PDE3A: variants seen among roughly 807,000 people sequenced by gnomAD.
The protein encoded by PDE3A is cGMP-inhibited 3',5'-cyclic phosphodiesterase 3A.
PDE3A carries 43 observed loss-of-function variants against 98.3 expected under a neutral mutation model. The ratio of observed to expected loss-of-function variants is 0.44; its 90% CI spans 0.34 to 0.56. The LOEUF is 0.56. Among genes scored for constraint, PDE3A ranks in the 20% least tolerant of loss-of-function variants. The probability of loss-of-function intolerance (pLI) is 0.01; values close to 1 mark genes in which losing one functional copy is unlikely to be tolerated. For synonymous variants in PDE3A, 663 were observed against 567.9 expected, an observed-to-expected ratio of 1.17 and a Z score of -2.38; for missense variants, 1,427 against 1,440.7, an observed-to-expected ratio of 0.99 and a Z score of 0.15.
intron 15 of PDE3A, among the ~76,000 whole-genome samples, chr12:20,674,841 T>C (rs10770695): frequency 0.51 from 78,136 of 151,748 alleles, 21,085 homozygotes; most frequent in East Asian, 0.72. Flanking sequence ...TCATTTTTCT[T>C]GGTTAGTCTA....
chr12:20,377,865 A>T (rs1943599564), intron 1 of PDE3A, among the ~76,000 whole-genome samples: 1 of 151,788 alleles, frequency 6.6e-6, no homozygotes, highest in Non-Finnish European at 1.5e-5. Flanking sequence ...TTTGGTATGT[A>T]ACAGGGATTG....
chr12:20,614,767 G>GAAACT (rs1280962867), intron 3 of PDE3A, among the ~76,000 whole-genome samples: 1 of 152,086 alleles, frequency 6.6e-6, no homozygotes, highest in Admixed American at 6.6e-5. Flanking sequence ...AGAGACACTG[G>GAAACT]AAACTATTTA....
intron 1 of PDE3A, among the ~76,000 whole-genome samples, chr12:20,440,277 C>A (rs537245442): frequency 2.0e-5 from 3 of 151,888 alleles, no homozygotes; most frequent in Admixed American, 6.6e-5. Context: ...TAAATTTTAA[C>A]GTAATTATAA....
At chr12:20,555,256 C>T (rs575823263) in intron 1 of PDE3A, among the ~76,000 whole-genome samples, 6 of 152,134 alleles carry the variant, frequency 3.9e-5, no homozygotes, top group African/African-American at 9.7e-5. Flanking sequence ...ACAGGAAATC[C>T]GCCCGCCTTG....
intron 2 of PDE3A, among the ~76,000 whole-genome samples, chr12:20,603,921 A>G (rs1943653272): frequency 6.6e-6 from 1 of 152,188 alleles, no homozygotes; most frequent in Non-Finnish European, 1.5e-5. Flanking sequence ...CTGTAATCAC[A>G]GCACTTTGGG....
rs1469108203 is a variant in PDE3A at position 20,428,670 on chromosome 12, A to G, written c.960+58426A>G. Among the ~76,000 whole-genome samples, 7 of 152,344 alleles carry G rather than the reference A, an allele frequency of 4.6e-5. No homozygotes were observed. The East Asian group carries it at 7.7e-4, about 17-fold the overall frequency. The stretch of plus-strand genomic sequence containing the variant: ...AACAGAATATAGGCCACTTTACACA[A>G]CAAAATATGCAATAACAACATACAT... On this transcript the variant is annotated intron_variant, in intron 1 of 15. Transcript: ENST00000359062.
intron 1 of PDE3A, among the ~76,000 whole-genome samples, chr12:20,473,856 G>A (rs1323381994): frequency 6.6e-6 from 1 of 151,922 alleles, no homozygotes; most frequent in African/African-American, 2.4e-5. Flanking sequence ...ATTATACGAA[G>A]GTCCTATAAC....
chr12:20,590,244 C>T (rs919664941), intron 2 of PDE3A, among the ~76,000 whole-genome samples: 10 of 151,704 alleles, frequency 6.6e-5, no homozygotes, highest in African/African-American at 1.7e-4. Context: ...CTTTCTGATT[C>T]GGCTTCAGGG....
At chr12:20,647,241 C>G (rs1354283794) in intron 12 of PDE3A, among the ~76,000 whole-genome samples, 1 of 152,092 alleles carries the variant, frequency 6.6e-6, no homozygotes, top group Non-Finnish European at 1.5e-5. Context: ...CAAAAGGCAA[C>G]CTATACAAAA....
intron 1 of PDE3A, among the ~76,000 whole-genome samples, chr12:20,547,384 C>A (rs1000006800): frequency 6.6e-6 from 1 of 152,154 alleles, no homozygotes; most frequent in Non-Finnish European, 1.5e-5. Context: ...TGTTCAATGG[C>A]ATACAGTTTG....
intron 2 of PDE3A, chr12:20,572,258 A>T: frequency 2.4e-6 from 1 of 418,958 alleles, no homozygotes; most frequent in Non-Finnish European, 3.9e-6. Context: ...AAATAAATTC[A>T]TAAAGTAATC....
Position 20,449,936 on chromosome 12 carries a change from C to T in PDE3A, c.960+79692C>T, listed in dbSNP as rs111940827. The T allele has an allele frequency of 6.8e-4, 546 of 802,708 alleles. 1 individual carries two copies. The African/African-American group carries it at 8.2e-3, about 12-fold the overall frequency. 49.7% of individuals were successfully genotyped at this position (802,708 alleles called of 1,614,324 possible). A position where few individuals can be genotyped will look rare whatever the true frequency, so the allele number is the denominator to read the frequency against. On this transcript the variant is annotated intron_variant, in intron 1 of 15. Coordinates refer to ENST00000359062, the MANE Select transcript of PDE3A (RefSeq NM_000921.5). The stretch of plus-strand genomic sequence containing the variant: ...GGGAACTCTGCTGGAAAGTTGATTT[C>T]GATTCTGAAGGCCCCCTTATATGGA...
chr12:20,386,072 A>AATATATAT (rs1308857729), intron 1 of PDE3A, among the ~76,000 whole-genome samples: 1 of 44,896 alleles, frequency 2.2e-5, no homozygotes, highest in Non-Finnish European at 3.9e-5. Context: ...ATATATATAA[A>AATATATAT]ATATATATAA....
intron 1 of PDE3A, among the ~76,000 whole-genome samples, chr12:20,422,118 G>A (rs1046388285): frequency 9.2e-5 from 14 of 152,126 alleles, no homozygotes; most frequent in African/African-American, 3.1e-4. Context: ...AGGCCGAGGT[G>A]GGCGGATCAC....
chr12:20,666,988 T>A (rs1945331263), intron 15 of PDE3A, among the ~76,000 whole-genome samples: 1 of 152,230 alleles, frequency 6.6e-6, no homozygotes, highest in Admixed American at 6.5e-5. Flanking sequence ...TAAGATGATA[T>A]CTCATTGTGG....
In PDE3A at chr12:20,650,617, T is replaced by C. The variant is rs745979130; in HGVS notation, c.2925+17T>C. The C allele has an allele frequency of 6.5e-7, 1 of 1,530,032 alleles. No individual in the cohort carries two copies. Among genetic ancestry groups the C allele is most frequent in the South Asian group, 1.1e-5 (1 of 87,238 alleles). 94.8% of individuals were successfully genotyped at this position (1,530,032 alleles called of 1,614,324 possible). On this transcript the variant is annotated intron_variant, in intron 14 of 15. Coordinates refer to ENST00000359062, the MANE Select transcript of PDE3A (RefSeq NM_000921.5). ...TATGAACAGGTAACTGACCACTGTT[T>C]AATACAGCTTAATCTGTACTTACAG...
In PDE3A at chr12:20,588,152, G is replaced by A. The variant is rs1407524205; in HGVS notation, c.1012-25291G>A. On this transcript the variant is annotated intron_variant, in intron 2 of 15. Coordinates refer to ENST00000359062, the MANE Select transcript of PDE3A (RefSeq NM_000921.5). ...AGGCGGTAGGGGCAGTTGTTTTTCT[G>A]TGCCTGCTGACGTCAACGAAATTGC... 2.0e-5 allele frequency among the ~76,000 whole-genome samples: 3 copies of A among 152,158 alleles called. No homozygotes were observed. In the East Asian group the frequency reaches 5.8e-4, roughly 29 times the overall value.
chr12:20,646,530 T>A lies in PDE3A; in HGVS notation c.2292T>A (p.Val764=). Reference sequence around the variant, plus strand: ...ATGCCACTGATGTTTTACATGCTGTTTGGTATCTTACTACACAGCCTATTC... The same window carrying A: ...ATGCCACTGATGTTTTACATGCTGTATGGTATCTTACTACACAGCCTATTC... ...RIHATDVLHA[V]WYLTTQPIPG... The change falls in exon 11 of 16, where the codon GTT becomes GTA. Residue 764 remains valine (V), a synonymous_variant. Transcript: ENST00000359062. The A allele has an allele frequency of 6.2e-7, 1 of 1,607,858 alleles. No individual in the cohort carries two copies. Among genetic ancestry groups the A allele is most frequent in the Non-Finnish European group, 8.5e-7 (1 of 1,174,336 alleles).
At chr12:20,581,484 T>G (rs2121343870) in intron 2 of PDE3A, among the ~76,000 whole-genome samples, 1 of 152,290 alleles carries the variant, frequency 6.6e-6, no homozygotes, top group East Asian at 1.9e-4. Context: ...ACTTTTTTTC[T>G]CATGTTACAA....
Sources: gnomAD v4.1 joint callset for allele counts (sites outside exome capture counted in the v4.1 genomes callset) on GRCh38, gnomAD v4.1.1 for gene constraint, MANE v1.5 for transcripts, NCBI Gene and HGNC (gene_info 2026-07-23, HGNC 2026-07-21) for gene names.